SORCS1: variants seen among roughly 807,000 people sequenced by gnomAD.
The protein encoded by SORCS1 is sortilin related VPS10 domain containing receptor 1.
SORCS1 carries 60 observed loss-of-function variants against 146.1 expected under a neutral mutation model. The observed-to-expected ratio is 0.41, with a 90% CI of 0.33 to 0.51. SORCS1 has a LOEUF of 0.51. SORCS1 is among the 20% of genes least tolerant of loss of function. The pLI, the probability that SORCS1 is intolerant of heterozygous loss-of-function variation, is 0.21. For missense variants in SORCS1, 1,352 were observed against 1,487.6 expected (o/e 0.91, Z 1.50); for synonymous variants, 637 against 584.0 (o/e 1.09, Z -1.31).
intron 2 of SORCS1, among the ~76,000 whole-genome samples, chr10:106,871,339 A>C (rs1158080531): frequency 6.6e-6 from 1 of 152,118 alleles, no homozygotes; most frequent in Non-Finnish European, 1.5e-5. Context: ...CCTCATCCTC[A>C]AGGAGCTAAA....
intron 2 of SORCS1, among the ~76,000 whole-genome samples, chr10:106,861,955 C>A (rs996940404): frequency 7.2e-5 from 11 of 152,204 alleles, no homozygotes; most frequent in African/African-American, 2.7e-4. Context: ...TCTTTCTTTT[C>A]TTCACCATAG....
At chr10:106,682,157 A>AAAAC (rs550865481) in intron 10 of SORCS1, among the ~76,000 whole-genome samples, 3 of 152,094 alleles carry the variant, frequency 2.0e-5, no homozygotes, top group Non-Finnish European at 4.4e-5. Context: ...AAACAAACAA[A>AAAAC]AAACAAACAA....
intron 21 of SORCS1, among the ~76,000 whole-genome samples, chr10:106,613,211 G>T (rs1847125361): frequency 6.6e-6 from 1 of 152,148 alleles, no homozygotes. Flanking sequence ...TGTAGCACCT[G>T]AGTTAGTTTG....
intron 3 of SORCS1, among the ~76,000 whole-genome samples, chr10:106,785,611 A>G (rs1302445901): frequency 6.6e-6 from 1 of 152,208 alleles, no homozygotes; most frequent in Non-Finnish European, 1.5e-5. Context: ...TTCATGATAA[A>G]CTGGCAAATA....
intron 2 of SORCS1, among the ~76,000 whole-genome samples, chr10:106,875,616 C>T (rs1448345425): frequency 6.6e-6 from 1 of 152,130 alleles, no homozygotes; most frequent in Non-Finnish European, 1.5e-5. Flanking sequence ...CATATTCATA[C>T]TAACATCTAT....
At chr10:106,705,120 A>G (rs12240368) in intron 8 of SORCS1, among the ~76,000 whole-genome samples, 3,632 of 152,332 alleles carry the variant, frequency 0.024, 87 homozygotes, top group East Asian at 0.089. Context: ...ACAAACACTT[A>G]AGCCAAATCA....
chr10:107,003,472 GTA>G (rs939716108), intron 1 of SORCS1, among the ~76,000 whole-genome samples: 13 of 138,482 alleles, frequency 9.4e-5, no homozygotes, highest in South Asian at 4.5e-4. Context: ...GTGTGTGTGT[GTA>G]GTAATCCACA....
chr10:107,089,044 T>G (rs145455704), intron 1 of SORCS1, among the ~76,000 whole-genome samples: 8 of 152,202 alleles, frequency 5.3e-5, no homozygotes, highest in Non-Finnish European at 1.0e-4. Context: ...TCTTGTGATA[T>G]ACAAAAGACA....
At chr10:107,108,587 G>A (rs1044814971) in intron 1 of SORCS1, among the ~76,000 whole-genome samples, 8 of 151,996 alleles carry the variant, frequency 5.3e-5, no homozygotes, top group Admixed American at 2.0e-4. Context: ...TCAAACATTG[G>A]GGATTACAAT....
chr10:106,669,936 A>G (rs1227708743), intron 16 of SORCS1, among the ~76,000 whole-genome samples: 1 of 152,188 alleles, frequency 6.6e-6, no homozygotes, highest in East Asian at 1.9e-4. Flanking sequence ...AAGATATGTG[A>G]TGTGTATGTA....
intron 2 of SORCS1, among the ~76,000 whole-genome samples, chr10:106,935,160 G>A (rs1381698607): frequency 6.6e-6 from 1 of 152,070 alleles, no homozygotes; most frequent in Non-Finnish European, 1.5e-5. Context: ...AAGCATTTAG[G>A]TATTTTATAG....
rs768896259 is a variant in SORCS1, at chr10:106,577,441, A to G, written c.3486T>C (p.Ala1162=). 5 of 1,611,526 alleles carry G rather than the reference A, an allele frequency of 3.1e-6. No homozygotes were observed. Among genetic ancestry groups the G allele is most frequent in the African/African-American group, 1.3e-5 (1 of 74,832 alleles). ...TTCCTTAAATTGCATACTGTGCCCCAGCAGATCCCCGCTTTGGCGTTGAAG... is the reference window on the plus strand; with the variant it reads ...TTCCTTAAATTGCATACTGTGCCCCGGCAGATCCCCGCTTTGGCGTTGAAG... The part of the protein sequence containing the change: ...TPPSTPKRGS[A]GAQYAI Residue 1162 remains alanine, a synonymous_variant, in exon 26 of 26, where the codon GCT becomes GCC. Transcript: ENST00000263054.
At chr10:107,180,917 T>G in the SORCS1 span, among the ~76,000 whole-genome samples, 1 of 152,178 alleles carries the variant, frequency 6.6e-6, no homozygotes, top group African/African-American at 2.4e-5. Context: ...TACAAAACTA[T>G]ACAGCATGCT....
chr10:107,016,186 T>C (rs79309484), intron 1 of SORCS1, among the ~76,000 whole-genome samples: 4,773 of 152,142 alleles, frequency 0.031, 207 homozygotes, highest in African/African-American at 0.099. Context: ...AACTCAGAAA[T>C]TGGCTCACAA....
intron 6 of SORCS1, among the ~76,000 whole-genome samples, chr10:106,727,869 C>G (rs1856314504): frequency 6.6e-6 from 1 of 152,092 alleles, no homozygotes; most frequent in Non-Finnish European, 1.5e-5. Flanking sequence ...GACACATACC[C>G]CTGTATGTTC....
the SORCS1 span, among the ~76,000 whole-genome samples, chr10:107,174,214 C>G: frequency 6.6e-6 from 1 of 151,826 alleles, no homozygotes; most frequent in African/African-American, 2.4e-5. Flanking sequence ...CTTTTTTTGT[C>G]GTTGTTTTTG....
intron 3 of SORCS1, among the ~76,000 whole-genome samples, chr10:106,779,233 G>A (rs536706306): frequency 2.6e-5 from 4 of 152,224 alleles, no homozygotes; most frequent in African/African-American, 4.8e-5. Context: ...GAAATTTCCC[G>A]GTGAGCTTTA....
At chr10:106,718,646 G>T (rs1361229249) in intron 6 of SORCS1, among the ~76,000 whole-genome samples, 2 of 152,242 alleles carry the variant, frequency 1.3e-5, no homozygotes, top group Non-Finnish European at 2.9e-5. Flanking sequence ...TGCCACTGCT[G>T]GCTGGGGTGG....
intron 2 of SORCS1, among the ~76,000 whole-genome samples, chr10:106,893,513 A>G (rs972880355): frequency 6.6e-6 from 1 of 152,234 alleles, no homozygotes. Context: ...TGCAATAATT[A>G]TGAAATAAAT....
Sources: allele counts gnomAD v4.1 joint callset (sites outside exome capture counted in the v4.1 genomes callset), GRCh38; gene constraint gnomAD v4.1.1; transcripts MANE v1.5; gene names NCBI Gene and HGNC (gene_info 2026-07-23, HGNC 2026-07-21).